The following GLT1D1 variants were observed in gnomAD, a reference collection of about 807,000 sequenced individuals.
The protein encoded by GLT1D1 is glycosyltransferase 1 domain containing 1.
Under a neutral mutation model 28.7 loss-of-function variants are expected in GLT1D1, and 21 were observed. The ratio of observed to expected loss-of-function variants is 0.73; its 90% CI spans 0.52 to 1.05. GLT1D1 has a LOEUF of 1.05. GLT1D1 is among the 50% of genes least tolerant of loss of function. The pLI, the probability that GLT1D1 is intolerant of heterozygous loss-of-function variation, is 0.00. For synonymous variants in GLT1D1, 147 were observed against 124.8 expected (o/e 1.18, Z -1.19); for missense variants, 343 against 330.6 (o/e 1.04, Z -0.29).
intron 6 of GLT1D1, among the ~76,000 whole-genome samples, chr12:128,952,874 G>T (rs1187420701): frequency 2.3e-5 from 3 of 130,008 alleles, no homozygotes; most frequent in Non-Finnish European, 3.1e-5. Context: ...CACCTCCCCG[G>T]TTCAAGTGAT....
intron 7 of GLT1D1, among the ~76,000 whole-genome samples, chr12:128,966,600 T>C (rs1435515380): frequency 1.3e-5 from 2 of 152,174 alleles, no homozygotes; most frequent in African/African-American, 4.8e-5. Flanking sequence ...GGGGGTTTTG[T>C]GCTCTTCTGC....
intron 4 of GLT1D1, among the ~76,000 whole-genome samples, chr12:128,915,413 G>A (rs947690971): frequency 6.7e-6 from 1 of 149,442 alleles, no homozygotes; most frequent in African/African-American, 2.5e-5. Flanking sequence ...TGCCCAGGCT[G>A]GAGTGCAGTG....
At chr12:128,880,471 T>C (rs998235163) in intron 2 of GLT1D1, among the ~76,000 whole-genome samples, 5 of 152,236 alleles carry the variant, frequency 3.3e-5, no homozygotes, top group Non-Finnish European at 1.5e-5. Flanking sequence ...CAGGGTTATG[T>C]TTTTGAAGGT....
chr12:128,867,742 G>C (rs1231676591), intron 1 of GLT1D1, among the ~76,000 whole-genome samples: 3 of 152,176 alleles, frequency 2.0e-5, no homozygotes, highest in Non-Finnish European at 4.4e-5. Flanking sequence ...AGAAAGACTG[G>C]GGGACGGGAG....
At chr12:128,962,227 T>C (rs1231227875) in intron 7 of GLT1D1, among the ~76,000 whole-genome samples, 1 of 152,060 alleles carries the variant, frequency 6.6e-6, no homozygotes. Context: ...AAGGGCGGAG[T>C]GAGCTGCAGT....
intron 1 of GLT1D1, among the ~76,000 whole-genome samples, chr12:128,864,372 G>C (rs978864223): frequency 1.3e-5 from 2 of 151,984 alleles, no homozygotes; most frequent in African/African-American, 2.4e-5. Flanking sequence ...AGAAAACTTA[G>C]GGAAGCCGAA....
intron 7 of GLT1D1, among the ~76,000 whole-genome samples, chr12:128,981,609 A>C (rs1880324867): frequency 6.6e-6 from 1 of 152,260 alleles, no homozygotes; most frequent in African/African-American, 2.4e-5. Context: ...TCAACATTTA[A>C]TTAACAATAA....
At chr12:128,871,117 C>T (rs1014877774) in intron 1 of GLT1D1, among the ~76,000 whole-genome samples, 5 of 152,226 alleles carry the variant, frequency 3.3e-5, no homozygotes, top group Non-Finnish European at 7.3e-5. Context: ...GGAATGGACT[C>T]TCCAAGTAGA....
intron 4 of GLT1D1, among the ~76,000 whole-genome samples, chr12:128,901,546 C>G (rs1870265014): frequency 6.6e-6 from 1 of 151,986 alleles, no homozygotes; most frequent in African/African-American, 2.4e-5. Flanking sequence ...AAGCTATTCT[C>G]CTACCTCAGC....
chr12:128,896,254 T>C (rs564174924), intron 3 of GLT1D1, among the ~76,000 whole-genome samples: 1 of 151,998 alleles, frequency 6.6e-6, no homozygotes, highest in East Asian at 1.9e-4. Flanking sequence ...GAGGAGAAAA[T>C]AATGATGTGG....
In GLT1D1 at chr12:128,938,760, A is replaced by G. The variant is rs1189293002; in HGVS notation, c.376-6566A>G. Among the ~76,000 whole-genome samples the G allele has an allele frequency of 4.6e-5, 7 of 152,220 alleles. No individual in the cohort carries two copies. In the East Asian group the frequency reaches 9.6e-4, roughly 21 times the overall value. ...GCTGGGAAGAAACTGCAGGCATAGC[A>G]TTAGCAAAATGTGTTTAGACCCTCT... On this transcript the variant is annotated intron_variant, in intron 4 of 7. Transcript: ENST00000281703.
intron 2 of GLT1D1, among the ~76,000 whole-genome samples, chr12:128,886,629 T>C (rs1411667784): frequency 6.6e-6 from 1 of 152,098 alleles, no homozygotes; most frequent in African/African-American, 2.4e-5. Context: ...GCCATCAGGC[T>C]GGTGAGGTCT....
At chr12:128,951,909 T>C (rs1318549) in intron 6 of GLT1D1, among the ~76,000 whole-genome samples, 21,979 of 152,280 alleles carry the variant, frequency 0.14, 1,635 homozygotes, top group South Asian at 0.18. Flanking sequence ...GAGTGGGTTG[T>C]GTTGCATCTT....
At position 128,917,328 on chromosome 12, in the gene GLT1D1, C is replaced by T. The variant is rs568498304; in HGVS notation, c.375+18041C>T. Among the ~76,000 whole-genome samples the T allele has an allele frequency of 4.6e-5, 7 of 152,262 alleles. No individual in the cohort carries two copies. The East Asian group carries it at 1.4e-3, about 29-fold the overall frequency. On this transcript the variant is annotated intron_variant, in intron 4 of 7. Transcript: ENST00000281703. ...AATTTAAATTTGGGGCTCAACTCAT[C>T]AATTTCTGTAAAATCCTGTTACATT...
At chr12:128,961,997 C>T (rs111241430) in intron 7 of GLT1D1, among the ~76,000 whole-genome samples, 128 of 152,042 alleles carry the variant, frequency 8.4e-4, no homozygotes, top group African/African-American at 2.8e-3. Context: ...TTGTGTCCTA[C>T]GGTGGCCTTG....
At chr12:128,896,583 T>A (rs1869659207) in intron 3 of GLT1D1, among the ~76,000 whole-genome samples, 1 of 145,544 alleles carries the variant, frequency 6.9e-6, no homozygotes. Context: ...TACTTTTTTT[T>A]TTTTTTTTTT....
chr12:128,983,319 C>T lies in GLT1D1; in HGVS notation c.*229C>T. 1 of 495,982 alleles carries T rather than the reference C, an allele frequency of 2.0e-6. No individual in the cohort carries two copies. The highest frequency in any genetic ancestry group is 3.6e-6 in the Non-Finnish European group (1 of 277,530). 30.7% of individuals were successfully genotyped at this position (495,982 alleles called of 1,614,324 possible). Reference sequence around the variant, plus strand: ...TCACCAGCCAGTCCTGATGGAGGTGCATGAGTGACTGGGTTGACTGGGACA... The same window carrying T: ...TCACCAGCCAGTCCTGATGGAGGTGTATGAGTGACTGGGTTGACTGGGACA... On this transcript the variant is annotated 3_prime_UTR_variant, in exon 8 of 8. Coordinates refer to ENST00000281703, the MANE Select transcript of GLT1D1 (RefSeq NM_144669.3). This position sits in a 1 kb window ranked among gnomAD's most constrained non-coding sequence, Gnocchi z 4.7.
chr12:128,941,569 C>CTTT lies in GLT1D1; in HGVS notation c.376-3738_376-3736dup, dbSNP rs550204231. Among the ~76,000 whole-genome samples, 414 of 107,550 alleles carry CTTT rather than the reference C, an allele frequency of 3.8e-3. 2 individuals carry two copies. The highest frequency in any genetic ancestry group is 7.5e-3 in the East Asian group (26 of 3,472). The allele number at this position is 107,550 out of a possible 152,430, so 70.6% of individuals were successfully genotyped here. The stretch of plus-strand genomic sequence containing the variant: ...GTCTCTTCTTTCTCTCTCTCTTTCT[C>CTTT]TTTTTTTTTTTTTTTTTTTTTGAGA... On this transcript the variant is annotated intron_variant, in intron 4 of 7. Transcript: ENST00000281703.
chr12:128,924,007 C>T lies in GLT1D1; in HGVS notation c.376-21319C>T, dbSNP rs533884295. 1.5e-4 allele frequency among the ~76,000 whole-genome samples: 23 copies of T among 152,194 alleles called. 1 individual carries two copies. The South Asian group carries it at 2.9e-3, about 19-fold the overall frequency. On this transcript the variant is annotated intron_variant, in intron 4 of 7. Transcript: ENST00000281703. The stretch of plus-strand genomic sequence containing the variant: ...CTCCTGATGCTGGGGTTTGGCCCTG[C>T]GAGGGCTGCTTCATGTGTGTCCGCT...
Sources: allele counts gnomAD v4.1 joint callset (sites outside exome capture counted in the v4.1 genomes callset), GRCh38; gene constraint gnomAD v4.1.1; non-coding constraint Gnocchi (gnomAD v3.1); transcripts MANE v1.5; gene names NCBI Gene and HGNC (gene_info 2026-07-23, HGNC 2026-07-21).